The following MYO5B variants were observed in gnomAD, a reference collection of about 807,000 sequenced individuals.
The protein encoded by MYO5B is unconventional myosin-Vb.
Under a neutral mutation model 229.3 loss-of-function variants are expected in MYO5B, and 143 were observed. The observed-to-expected ratio is 0.62, with a 90% CI of 0.54 to 0.72. The LOEUF is 0.72. Among genes scored for constraint, MYO5B ranks in the 30% least tolerant of loss-of-function variants. The probability of loss-of-function intolerance (pLI) is 0.00; values close to 1 mark genes in which losing one functional copy is unlikely to be tolerated. For missense variants in MYO5B, 2,321 were observed against 2,331.0 expected, an observed-to-expected ratio of 1.00 and a Z score of 0.09; for synonymous variants, 918 against 885.2, an observed-to-expected ratio of 1.04 and a Z score of -0.66.
intron 18 of MYO5B, 130 bp downstream of exon 18, chr18:49,911,932 G>T: frequency 1.3e-6 from 1 of 794,026 alleles, no homozygotes; most frequent in Non-Finnish European, 2.2e-6. Flanking sequence ...TAGGAAAATG[G>T]ATTAATATCC....
chr18:50,086,060 TATA>T (rs371215423), intron 1 of MYO5B, among the ~76,000 whole-genome samples: 2,132 of 152,106 alleles, frequency 0.014, 34 homozygotes, highest in African/African-American at 0.045. Context: ...AAACTTAAAG[TATA>T]ATAATAATAA....
chr18:50,029,486 A>T (rs1387700406), intron 4 of MYO5B, among the ~76,000 whole-genome samples: 1 of 152,226 alleles, frequency 6.6e-6, no homozygotes, highest in African/African-American at 2.4e-5. Flanking sequence ...TATTGAAAGG[A>T]AAGAAAAGTT....
intron 3 of MYO5B, among the ~76,000 whole-genome samples, chr18:50,037,410 T>C (rs993526697): frequency 6.6e-6 from 1 of 152,222 alleles, no homozygotes; most frequent in Non-Finnish European, 1.5e-5. Context: ...CATTTGTATA[T>C]TGGTTATCTT....
At chr18:50,136,111 G>T (rs1007271671) in intron 1 of MYO5B, among the ~76,000 whole-genome samples, 3 of 152,166 alleles carry the variant, frequency 2.0e-5, no homozygotes, top group Non-Finnish European at 2.9e-5. Flanking sequence ...TACAGCTTTG[G>T]AGCTCTGTGG....
intron 5 of MYO5B, among the ~76,000 whole-genome samples, chr18:49,999,787 C>G (rs577016892): frequency 3.3e-4 from 50 of 152,176 alleles, no homozygotes; most frequent in Admixed American, 5.9e-4. Flanking sequence ...TTGGGGGGCC[C>G]CTCCCAGACC....
chr18:50,194,736 C>T, intron 1 of MYO5B, 31 bp downstream of exon 1: 1 of 1,455,658 alleles, frequency 6.9e-7, no homozygotes, highest in Non-Finnish European at 9.1e-7. Flanking sequence ...CCACCCCGGC[C>T]CCGGGGCGCC....
chr18:49,994,806 G>C (rs895566976), intron 5 of MYO5B, among the ~76,000 whole-genome samples: 2 of 152,222 alleles, frequency 1.3e-5, no homozygotes, highest in African/African-American at 4.8e-5. Context: ...CAGACTGCCA[G>C]ACTTCAGTGA....
chr18:50,059,611 A>G (rs112727105), intron 1 of MYO5B, among the ~76,000 whole-genome samples: 3,794 of 152,328 alleles, frequency 0.025, 139 homozygotes, highest in African/African-American at 0.086. Flanking sequence ...CACGTGGAAC[A>G]CATTGAGATT....
At chr18:50,018,311 T>C (rs2026238513) in intron 4 of MYO5B, among the ~76,000 whole-genome samples, 1 of 149,236 alleles carries the variant, frequency 6.7e-6, no homozygotes, top group African/African-American at 2.5e-5. Flanking sequence ...TGCTTGATGA[T>C]ACAGTCTAAC....
intron 3 of MYO5B, 104 bp downstream of exon 3, chr18:50,040,039 C>G (rs751433995): frequency 1.0e-5 from 13 of 1,294,434 alleles, no homozygotes; most frequent in Non-Finnish European, 1.5e-5. Flanking sequence ...GAGATACTTA[C>G]AAATGAGAGA....
chr18:50,155,374 A>G (rs2032662981), intron 1 of MYO5B, among the ~76,000 whole-genome samples: 2 of 152,126 alleles, frequency 1.3e-5, no homozygotes, highest in South Asian at 4.1e-4. Context: ...CCATATTAGA[A>G]TATGATTTAA....
At chr18:49,969,569 C>A (rs2025665130) in intron 10 of MYO5B, among the ~76,000 whole-genome samples, 1 of 152,196 alleles carries the variant, frequency 6.6e-6, no homozygotes, top group South Asian at 2.1e-4. Context: ...TTCATTCCTT[C>A]CTTGCTTTGT....
At chr18:49,877,144 C>G (rs72642502) in intron 25 of MYO5B, among the ~76,000 whole-genome samples, 2 of 151,952 alleles carry the variant, frequency 1.3e-5, no homozygotes, top group African/African-American at 4.8e-5. Flanking sequence ...CACACACGCG[C>G]GCATGTGCCT....
At chr18:49,955,944 C>T (rs1005268344) in intron 12 of MYO5B, among the ~76,000 whole-genome samples, 1 of 152,132 alleles carries the variant, frequency 6.6e-6, no homozygotes. Flanking sequence ...GGTGGGAAGC[C>T]CACATAGGCA....
chr18:49,954,246 T>C, intron 13 of MYO5B, 67 bp downstream of exon 13: 11 of 1,598,386 alleles, frequency 6.9e-6, no homozygotes, highest in Non-Finnish European at 9.4e-6. Flanking sequence ...TCTCTAGGTC[T>C]AGAGCCCATT....
intron 14 of MYO5B, among the ~76,000 whole-genome samples, chr18:49,941,486 A>G (rs990522089): frequency 3.9e-5 from 6 of 152,162 alleles, no homozygotes; most frequent in Admixed American, 3.3e-4. Context: ...CAGAGTCTAA[A>G]TAGCTCCATG....
chr18:50,003,764 T>A (rs1315716290), intron 4 of MYO5B, among the ~76,000 whole-genome samples: 1 of 152,210 alleles, frequency 6.6e-6, no homozygotes, highest in African/African-American at 2.4e-5. Context: ...CAGCCCCAGA[T>A]AAATGGATAA....
intron 1 of MYO5B, among the ~76,000 whole-genome samples, chr18:50,074,869 G>C (rs1156760110): frequency 1.3e-5 from 2 of 152,082 alleles, no homozygotes; most frequent in Admixed American, 6.5e-5. Flanking sequence ...CGCCCGGGCT[G>C]GAGTGCAGTG....
At chr18:50,034,222 T>G (rs1022101397) in intron 4 of MYO5B, among the ~76,000 whole-genome samples, 1 of 152,204 alleles carries the variant, frequency 6.6e-6, no homozygotes, top group East Asian at 1.9e-4. Context: ...TGACTACTGA[T>G]GAGTCAGAAA....
Sources: allele counts gnomAD v4.1 joint callset (sites outside exome capture counted in the v4.1 genomes callset), GRCh38; gene constraint gnomAD v4.1.1; transcripts MANE v1.5; gene names NCBI Gene and HGNC (gene_info 2026-07-23, HGNC 2026-07-21).